The following ZNF185 variants were observed in gnomAD, a reference collection of about 807,000 sequenced individuals.
ZNF185 encodes the protein zinc finger protein 185.
Under a neutral mutation model 58.6 loss-of-function variants are expected in ZNF185, and 56 were observed. The ratio of observed to expected loss-of-function variants is 0.95; its 90% confidence interval spans 0.77 to 1.19. The LOEUF is 1.19. Ranked by LOEUF, ZNF185 falls within the 50% of genes most tolerant of loss-of-function variation. The pLI, the probability that ZNF185 is intolerant of heterozygous loss-of-function variation, is 0.00. For synonymous variants in ZNF185, 230 were observed against 215.9 expected, an observed-to-expected ratio of 1.07 and a Z score of -0.57; for missense variants, 627 against 573.5, an observed-to-expected ratio of 1.09 and a Z score of -0.95.
At chrX:152,922,499 G>A (rs984730826) in intron 10 of ZNF185, among the ~76,000 whole-genome samples, 8 of 111,956 alleles carry the variant, frequency 7.1e-5, no homozygotes, top group Non-Finnish European at 1.3e-4. Flanking sequence ...TGATGAGTAC[G>A]TATCTGTGTC....
chrX:152,958,034 A>G (rs1569514488), intron 16 of ZNF185, among the ~76,000 whole-genome samples: 1 of 112,101 alleles, frequency 8.9e-6, no homozygotes, highest in Non-Finnish European at 1.9e-5. Flanking sequence ...CCAAGCCACA[A>G]CACAAAAGAA....
At chrX:152,948,429 C>T (rs564918677) in intron 16 of ZNF185, among the ~76,000 whole-genome samples, 2 of 111,445 alleles carry the variant, frequency 1.8e-5, no homozygotes, top group African/African-American at 6.5e-5. Context: ...AAAGGCTGGG[C>T]AGAGGGTGCC....
Position 152,936,500 on chromosome X carries a change from C to T in ZNF185, c.1122-1574C>T, listed in dbSNP as rs892331297. Reference sequence around the variant, plus strand: ...CAACTCTCAGTCCTGCAAGCCTAGACCAGCAGCCATCAGGTAAGGTTAGGG... The same window carrying T: ...CAACTCTCAGTCCTGCAAGCCTAGATCAGCAGCCATCAGGTAAGGTTAGGG... On this transcript the variant is annotated intron_variant, in intron 14 of 22. Coordinates refer to ENST00000449285, the Ensembl canonical transcript of ZNF185. The T allele has an allele frequency of 1.3e-4, 146 of 1,164,884 alleles. No individual in the cohort carries two copies. In the Middle Eastern group the frequency reaches 2.1e-3, roughly 17 times the overall value.
At position 152,934,403 on chromosome X, in the gene ZNF185, T is replaced by C. The variant is rs781976239; in HGVS notation, c.1121+1432T>C. On this transcript the variant is annotated intron_variant, in intron 14 of 22. Transcript: ENST00000449285. ...CACCCTCATAACATGAAGCCTGTGC[T>C]GTCCACTGTTTCCTTAAAATGAAAC... is the stretch of plus-strand genomic sequence containing the variant. 5.2e-4 allele frequency among the ~76,000 whole-genome samples: 59 copies of C among 112,686 alleles called. 1 individual carries two copies. Among genetic ancestry groups the C allele is most frequent in the African/African-American group, 1.8e-3 (56 of 31,034 alleles).
chrX:152,936,206 A>G (rs1181533389), intron 14 of ZNF185, among the ~76,000 whole-genome samples: 1 of 113,004 alleles, frequency 8.8e-6, no homozygotes, highest in Admixed American at 9.3e-5. Context: ...GAGATAGCAA[A>G]GCCATGATTT....
At chrX:152,950,968 C>T (rs1246590332) in intron 16 of ZNF185, among the ~76,000 whole-genome samples, 2 of 111,942 alleles carry the variant, frequency 1.8e-5, no homozygotes, top group Admixed American at 9.5e-5. Context: ...ACTGAACATA[C>T]AGATAGGGCA....
At chrX:152,955,214 G>T (rs1245246636) in intron 16 of ZNF185, among the ~76,000 whole-genome samples, 2 of 112,181 alleles carry the variant, frequency 1.8e-5, no homozygotes, top group African/African-American at 6.5e-5. Flanking sequence ...TAGAACTATG[G>T]AGTCCTTCTC....
intron 3 of ZNF185, among the ~76,000 whole-genome samples, 155 bp from the exon 5 acceptor site, chrX:152,916,976 C>A (rs1257870152): frequency 8.9e-6 from 1 of 112,622 alleles, no homozygotes; most frequent in Non-Finnish European, 1.9e-5. Flanking sequence ...TGATCAGGGG[C>A]ACAGGGGGCT....
At position 152,965,535 on chromosome X, in the gene ZNF185, C is replaced by T. The variant is rs782664426; in HGVS notation, c.1799+8C>T. On this transcript the variant is annotated splice_region_variant and intron_variant, in intron 19 of 22. Coordinates refer to ENST00000449285, the Ensembl canonical transcript of ZNF185. ...ATCTGCACGCTATAGCAAGTAAGAG[C>T]GGGTCCCAAACCCTTCCATGTCGGC... 1.2e-5 allele frequency: 14 copies of T among 1,171,832 alleles called. No homozygotes were observed. In the Admixed American group the frequency reaches 1.2e-4, roughly 10 times the overall value.
chrX:152,922,191 G>A, exon 10 of ZNF185: 1 of 1,195,819 alleles, frequency 8.4e-7, no homozygotes, highest in Non-Finnish European at 1.1e-6. Context: ...TGGTGGAAGA[G>A]GACGGGCCTT....
chrX:152,962,057 T>A (rs2049553051), intron 17 of ZNF185, among the ~76,000 whole-genome samples: 1 of 111,700 alleles, frequency 9.0e-6, no homozygotes, highest in Admixed American at 9.5e-5. Flanking sequence ...ACAGTTCGGC[T>A]GAGACCTGAA....
chrX:152,968,996 G>A lies in ZNF185; in HGVS notation c.1872-386G>A, dbSNP rs2050406512. ...AGGGCCATCAAGACGGGGCCAGGCA[G>A]GGCACACAATGACATGTCTCCTGTA... On this transcript the variant is annotated intron_variant, in intron 20 of 22. Coordinates refer to ENST00000449285, the Ensembl canonical transcript of ZNF185. Among the ~76,000 whole-genome samples, 8 of 111,750 alleles carry A rather than the reference G, an allele frequency of 7.2e-5. No homozygotes were observed. In the South Asian group the frequency reaches 3.0e-3, roughly 42 times the overall value.
the ZNF185 span, among the ~76,000 whole-genome samples, chrX:152,905,936 C>T: frequency 1.8e-5 from 2 of 112,328 alleles, no homozygotes; most frequent in African/African-American, 6.5e-5. Context: ...GGGGCTTGGG[C>T]AGCCTGGAGC....
chrX:152,962,876 C>G (rs912143501), intron 17 of ZNF185, among the ~76,000 whole-genome samples: 1 of 112,952 alleles, frequency 8.9e-6, no homozygotes, highest in African/African-American at 3.2e-5. Flanking sequence ...GATTGTTCTT[C>G]CCTTTCCCCA....
At chrX:152,958,768 A>G (rs1488524970) in intron 16 of ZNF185, among the ~76,000 whole-genome samples, 1 of 110,991 alleles carries the variant, frequency 9.0e-6, no homozygotes, top group East Asian at 2.8e-4. Context: ...TGAAAATGCT[A>G]TTGCTTTCCA....
chrX:152,938,851 CAGTGAGGAG>C (rs2046721662), intron 15 of ZNF185, among the ~76,000 whole-genome samples: 1 of 104,985 alleles, frequency 9.5e-6, no homozygotes, highest in Non-Finnish European at 2.0e-5. Flanking sequence ...AGAGTGATGG[CAGTGAGGAG>C]GGTACTACTT....
At chrX:152,939,069 TTG>T (rs1569506564) in intron 15 of ZNF185, among the ~76,000 whole-genome samples, 3 of 111,825 alleles carry the variant, frequency 2.7e-5, no homozygotes, top group Non-Finnish European at 5.6e-5. Flanking sequence ...GAGCAGGGCC[TTG>T]GTAAGCCATG....
At chrX:152,941,842 A>G (rs1556890087) in intron 15 of ZNF185, 1 of 1,141,220 alleles carries the variant, frequency 8.8e-7, no homozygotes, top group Admixed American at 2.7e-5. Flanking sequence ...TAAGGTCTGA[A>G]GCCGCGGCCA....
Position 152,941,733 on chromosome X carries a change from C to T in ZNF185, c.1212-3534C>T, listed in dbSNP as rs868963845. ...AATGGCCGCCCGGGACGAGCTCGGC[C>T]TCGGCGGGGATTCTCTTGAGGCCAT... On this transcript the variant is annotated intron_variant, in intron 15 of 22. Coordinates refer to ENST00000449285, the Ensembl canonical transcript of ZNF185. 1.0e-4 allele frequency: 122 copies of T among 1,163,746 alleles called. No individual in the cohort carries two copies. The African/African-American group carries it at 1.5e-3, about 14-fold the overall frequency.
Sources: gnomAD v4.1 joint callset for allele counts (sites outside exome capture counted in the v4.1 genomes callset) on GRCh38, gnomAD v4.1.1 for gene constraint, MANE v1.5 for transcripts, NCBI Gene and HGNC (gene_info 2026-07-23, HGNC 2026-07-21) for gene names.